Variants in NRXN3 observed in about 807,000 individuals in gnomAD.
NRXN3 encodes neurexin 3, also known as neurexin III.
In NRXN3, 32 loss-of-function variants were observed where a neutral mutation model predicts 137.6. That is an observed-to-expected ratio of 0.23 (90% confidence interval 0.18 to 0.31). The LOEUF (loss-of-function observed/expected upper bound fraction) is 0.31, where lower values mean the gene tolerates loss of function less well. Among genes scored for constraint, NRXN3 ranks in the 10% least tolerant of loss-of-function variants. The pLI is 1.00. For synonymous variants in NRXN3, 798 were observed against 784.5 expected, an observed-to-expected ratio of 1.02 and a Z score of -0.29; for missense variants, 1,574 against 2,062.5, an observed-to-expected ratio of 0.76 and a Z score of 4.59.
At chr14:78,956,700 A>G (rs1002872124) in intron 10 of NRXN3, among the ~76,000 whole-genome samples, 13 of 152,258 alleles carry the variant, frequency 8.5e-5, no homozygotes, top group African/African-American at 3.1e-4. Context: ...AATGCTTACT[A>G]TTGTGATTTC....
At chr14:79,257,391 GTGGTGGTGGTGGTGGTGGTGGTGA>G (rs2076762241) in intron 15 of NRXN3, among the ~76,000 whole-genome samples, 2 of 72,322 alleles carry the variant, frequency 2.8e-5, no homozygotes, top group African/African-American at 1.1e-4. Flanking sequence ...GGTGGTGATG[GTGGTGGTGGTGGTGGTGGTGGTGA>G]TGGTGGTGAT....
intron 16 of NRXN3, among the ~76,000 whole-genome samples, chr14:79,643,335 T>C (rs2098440899): frequency 7.4e-6 from 1 of 136,020 alleles, no homozygotes; most frequent in African/African-American, 2.5e-5. Flanking sequence ...CCTTCCACAG[T>C]TGAGTCTACC....
intron 4 of NRXN3, among the ~76,000 whole-genome samples, chr14:78,626,778 A>G (rs2152518460): frequency 6.6e-6 from 1 of 152,314 alleles, no homozygotes; most frequent in Admixed American, 6.5e-5. Context: ...GTTATTGAAA[A>G]AAGGAGATTG....
chr14:79,653,482 T>C (rs1333825012), intron 16 of NRXN3, among the ~76,000 whole-genome samples: 1 of 152,124 alleles, frequency 6.6e-6, no homozygotes, highest in African/African-American at 2.4e-5. Flanking sequence ...TAATGACTTA[T>C]AACTTTGCTC....
chr14:79,031,900 C>T (rs894004202), intron 15 of NRXN3, among the ~76,000 whole-genome samples: 1 of 152,092 alleles, frequency 6.6e-6, no homozygotes, highest in Non-Finnish European at 1.5e-5. Flanking sequence ...AAAGCAATGG[C>T]TGCTGAGACT....
intron 19 of NRXN3, among the ~76,000 whole-genome samples, chr14:79,803,899 G>GTA (rs36091682): frequency 0.011 from 1,620 of 144,804 alleles, 23 homozygotes; most frequent in African/African-American, 0.037. Flanking sequence ...AAGTGTGTGT[G>GTA]TATATATATA....
At chr14:79,336,648 G>A (rs184216867) in intron 15 of NRXN3, among the ~76,000 whole-genome samples, 14 of 152,222 alleles carry the variant, frequency 9.2e-5, no homozygotes, top group East Asian at 5.8e-4. Flanking sequence ...ATGATTTCCC[G>A]AAGGCCACAA....
intron 2 of NRXN3, among the ~76,000 whole-genome samples, chr14:78,249,795 C>T (rs12588548): frequency 0.25 from 38,724 of 151,934 alleles, 5,063 homozygotes; most frequent in Middle Eastern, 0.35. Context: ...CTCCATTTTA[C>T]GGATGAGGAA....
At chr14:78,830,543 C>T (rs1354859711) in intron 10 of NRXN3, among the ~76,000 whole-genome samples, 1 of 152,004 alleles carries the variant, frequency 6.6e-6, no homozygotes, top group Non-Finnish European at 1.5e-5. Flanking sequence ...CAAGATATTA[C>T]AGGGGTTTTT....
intron 4 of NRXN3, among the ~76,000 whole-genome samples, chr14:78,479,089 C>T (rs1358443076): frequency 1.3e-5 from 2 of 152,184 alleles, no homozygotes; most frequent in Non-Finnish European, 2.9e-5. Context: ...TATCCCTGTG[C>T]TTCATAAGTG....
At chr14:78,506,751 C>A in intron 4 of NRXN3, among the ~76,000 whole-genome samples, 1 of 149,506 alleles carries the variant, frequency 6.7e-6, no homozygotes. Flanking sequence ...CATGCTACAG[C>A]CCTAAATTCC....
chr14:78,628,561 T>G (rs1025101830), intron 4 of NRXN3, among the ~76,000 whole-genome samples: 4 of 152,226 alleles, frequency 2.6e-5, no homozygotes, highest in African/African-American at 9.6e-5. Flanking sequence ...AGTGGGTAAC[T>G]TAAAGCCTTC....
At chr14:78,683,414 C>T (rs1044727371) in intron 6 of NRXN3, among the ~76,000 whole-genome samples, 3 of 152,164 alleles carry the variant, frequency 2.0e-5, no homozygotes, top group East Asian at 1.9e-4. Flanking sequence ...GTTTGTCTAA[C>T]GTTTGAGTTA....
chr14:79,795,731 C>A (rs1330632441), intron 19 of NRXN3, among the ~76,000 whole-genome samples: 1 of 151,790 alleles, frequency 6.6e-6, no homozygotes, highest in Non-Finnish European at 1.5e-5. Flanking sequence ...TTTTTTTTCA[C>A]AGTGTAATAA....
chr14:79,252,979 C>G (rs1308219245), intron 15 of NRXN3, among the ~76,000 whole-genome samples: 1 of 152,172 alleles, frequency 6.6e-6, no homozygotes, highest in African/African-American at 2.4e-5. Flanking sequence ...TCCCAAGGAA[C>G]TTACATCAGA....
chr14:79,428,182 A>G (rs1431777682), intron 15 of NRXN3, among the ~76,000 whole-genome samples: 1 of 152,176 alleles, frequency 6.6e-6, no homozygotes, highest in Non-Finnish European at 1.5e-5. Context: ...AACCTTGATT[A>G]AAGTCTGATT....
chr14:78,821,897 A>G (rs1028645096), intron 10 of NRXN3, among the ~76,000 whole-genome samples: 13 of 152,110 alleles, frequency 8.5e-5, no homozygotes, highest in Non-Finnish European at 1.3e-4. Context: ...AATTTACAAA[A>G]CTTTCCGGTC....
chr14:78,836,882 C>A (rs2098998608), intron 10 of NRXN3, among the ~76,000 whole-genome samples: 1 of 151,510 alleles, frequency 6.6e-6, no homozygotes, highest in Non-Finnish European at 1.5e-5. Context: ...CAGGGTCAGC[C>A]ATTTTCTTGC....
At chr14:79,741,271 A>G (rs2098962136) in intron 19 of NRXN3, among the ~76,000 whole-genome samples, 1 of 152,176 alleles carries the variant, frequency 6.6e-6, no homozygotes, top group Non-Finnish European at 1.5e-5. Context: ...TTTGAATCAC[A>G]GAATTTGGTT....
Sources: gnomAD v4.1 joint callset for allele counts (sites outside exome capture counted in the v4.1 genomes callset) on GRCh38, gnomAD v4.1.1 for gene constraint, MANE v1.5 for transcripts, NCBI Gene and HGNC (gene_info 2026-07-23, HGNC 2026-07-21) for gene names.